Variants in TSPAN11 observed in about 807,000 individuals in gnomAD.
TSPAN11 encodes tetraspanin 11, also known as tetraspanin-11.
A neutral mutation model predicts 32.9 loss-of-function variants in TSPAN11; 29 were observed. The ratio of observed to expected loss-of-function variants is 0.88; its 90% CI spans 0.66 to 1.20. The LOEUF is 1.20. Ranked by LOEUF, TSPAN11 falls within the 50% of genes most tolerant of loss-of-function variation. The pLI is 0.00. For synonymous variants in TSPAN11, 140 were observed against 141.3 expected (o/e 0.99, Z 0.07); for missense variants, 283 against 329.1 (o/e 0.86, Z 1.08).
intron 7 of TSPAN11, among the ~76,000 whole-genome samples, chr12:30,990,031 G>T (rs574306519): frequency 6.6e-6 from 1 of 152,228 alleles, no homozygotes; most frequent in Non-Finnish European, 1.5e-5. Context: ...GGAGCCATCC[G>T]TGCTGGTTTC....
At chr12:30,940,229 G>C (rs1938133053) in intron 1 of TSPAN11, among the ~76,000 whole-genome samples, 4 of 152,198 alleles carry the variant, frequency 2.6e-5, no homozygotes, top group Non-Finnish European at 5.9e-5. Flanking sequence ...AACCAGGTGA[G>C]AGCCTGAGTG....
intron 2 of TSPAN11, among the ~76,000 whole-genome samples, chr12:30,960,371 G>A (rs1938587998): frequency 6.6e-6 from 1 of 151,958 alleles, no homozygotes; most frequent in Non-Finnish European, 1.5e-5. Flanking sequence ...ACTGAGGGTG[G>A]AGAACTCCCC....
chr12:30,933,414 C>G (rs1224786123), intron 1 of TSPAN11, among the ~76,000 whole-genome samples: 1 of 152,240 alleles, frequency 6.6e-6, no homozygotes. Context: ...TTAATCTTCC[C>G]TCCATGTATG....
At chr12:30,958,535 G>T (rs1382138446) in intron 2 of TSPAN11, among the ~76,000 whole-genome samples, 1 of 152,158 alleles carries the variant, frequency 6.6e-6, no homozygotes, top group Admixed American at 6.5e-5. Flanking sequence ...ATAGGGCTCA[G>T]CTGTGCTCTC....
intron 1 of TSPAN11, among the ~76,000 whole-genome samples, chr12:30,929,826 CTT>C (rs1357759662): frequency 6.6e-6 from 1 of 152,226 alleles, no homozygotes; most frequent in Non-Finnish European, 1.5e-5. Context: ...AAAATAGTCT[CTT>C]GTGCTGCCTT....
chr12:30,966,910 A>T (rs1938745992), intron 3 of TSPAN11, among the ~76,000 whole-genome samples: 1 of 152,256 alleles, frequency 6.6e-6, no homozygotes, highest in African/African-American at 2.4e-5. Context: ...GTCAGAGTAT[A>T]TTCAGCTTAG....
rs544548550 is a variant in TSPAN11 at position 30,973,874 on chromosome 12, A to G, written c.277-4687A>G. Among the ~76,000 whole-genome samples, 8 of 152,286 alleles carry G rather than the reference A, an allele frequency of 5.3e-5. No homozygotes were observed. In the South Asian group the frequency reaches 1.7e-3, roughly 32 times the overall value. ...TAGAGTCAACCCTAACACAAACCTT[A>G]TGGCGTCACACCCCTCCCCAGCTCA... On this transcript the variant is annotated intron_variant, in intron 3 of 7. Transcript: ENST00000546076.
At chr12:30,978,713 A>T (rs1046673685) in intron 4 of TSPAN11, 78 bp downstream of exon 4, 1 of 1,483,280 alleles carries the variant, frequency 6.7e-7, no homozygotes, top group Non-Finnish European at 9.4e-7. Flanking sequence ...TTGCATTGTG[A>T]TGAGGGAAGC....
intron 1 of TSPAN11, among the ~76,000 whole-genome samples, chr12:30,945,796 C>T (rs890376877): frequency 5.3e-5 from 8 of 152,088 alleles, no homozygotes; most frequent in African/African-American, 1.7e-4. Context: ...AAGGCATTTG[C>T]GGTTGCTTTT....
In TSPAN11 at chr12:30,963,810, C is replaced by G. The variant is rs11051187; in HGVS notation, c.85-16C>G. The G allele has an allele frequency of 1.2e-6, 2 of 1,602,892 alleles. No individual in the cohort carries two copies. The highest frequency in any genetic ancestry group is 3.3e-5 in the Admixed American group (2 of 59,948). On this transcript the variant is annotated splice_polypyrimidine_tract_variant and intron_variant, in intron 2 of 7. Transcript: ENST00000546076. Reference sequence around the variant, plus strand: ...GCCCCCGCCACCCCCTGCTCTAACCCGGTGGTCTCCTGCAGGTCGGGGGAG... The same window carrying G: ...GCCCCCGCCACCCCCTGCTCTAACCGGGTGGTCTCCTGCAGGTCGGGGGAG...
chr12:30,983,598 T>G (rs916785905), intron 7 of TSPAN11, among the ~76,000 whole-genome samples: 2 of 152,144 alleles, frequency 1.3e-5, no homozygotes, highest in African/African-American at 2.4e-5. Context: ...CCTTTGTGTG[T>G]GCATGTGTGT....
intron 3 of TSPAN11, among the ~76,000 whole-genome samples, chr12:30,976,715 C>T (rs1938980532): frequency 6.6e-6 from 1 of 152,186 alleles, no homozygotes; most frequent in South Asian, 2.1e-4. Context: ...CTCCCAGGGA[C>T]CCAGGAGAGT....
At chr12:30,963,708 C>A in intron 2 of TSPAN11, 118 bp from the exon 3 acceptor site, 1 of 1,143,800 alleles carries the variant, frequency 8.7e-7, no homozygotes, top group Non-Finnish European at 1.2e-6. Flanking sequence ...TTCTCGCCTC[C>A]TTTGGAGGAC....
downstream of TSPAN11, among the ~76,000 whole-genome samples, chr12:31,000,267 T>A (rs1939465005): frequency 1.3e-5 from 2 of 152,206 alleles, no homozygotes. Context: ...TTCTCTGAGC[T>A]CCTGCAGGCA....
chr12:30,965,163 G>A (rs1938703377), intron 3 of TSPAN11, among the ~76,000 whole-genome samples: 1 of 152,240 alleles, frequency 6.6e-6, no homozygotes, highest in Non-Finnish European at 1.5e-5. Context: ...GCACTGACCA[G>A]CCATGAGGCT....
intron 4 of TSPAN11, 109 bp from the exon 5 acceptor site, chr12:30,979,457 C>A: frequency 2.1e-6 from 2 of 957,828 alleles, no homozygotes; most frequent in Non-Finnish European, 1.7e-6. Flanking sequence ...ACACCATCCA[C>A]AGTCCGCAGT....
At chr12:30,963,712 G>T in intron 2 of TSPAN11, 114 bp from the exon 3 acceptor site, 1 of 1,162,966 alleles carries the variant, frequency 8.6e-7, no homozygotes, top group Non-Finnish European at 1.2e-6. Context: ...CGCCTCCTTT[G>T]GAGGACTGAA....
chr12:30,978,353 C>G lies in TSPAN11; in HGVS notation c.277-208C>G, dbSNP rs1565801677. The G allele has an allele frequency of 1.0e-5, 6 of 601,858 alleles. No individual in the cohort carries two copies. In the South Asian group the frequency reaches 1.0e-4, roughly 10 times the overall value. The allele number at this position is 601,858 out of a possible 1,614,324, so 37.3% of individuals were successfully genotyped here. A position where few individuals can be genotyped will look rare whatever the true frequency, so the allele number is the denominator to read the frequency against. On this transcript the variant is annotated intron_variant, in intron 3 of 7. Coordinates refer to ENST00000546076, the MANE Select transcript of TSPAN11 (RefSeq NM_001370302.1). ...TAATACATATTGGATGGGTACATGC[C>G]GTACTGAATTGTCAGCAGACCAAAG...
chr12:30,935,482 C>T (rs556229594), intron 1 of TSPAN11, among the ~76,000 whole-genome samples: 75 of 144,502 alleles, frequency 5.2e-4, no homozygotes, highest in Admixed American at 1.7e-3. Flanking sequence ...CTACTTGGTT[C>T]GAGCAATTCT....
Sources: gnomAD v4.1 joint callset for allele counts (sites outside exome capture counted in the v4.1 genomes callset) on GRCh38, gnomAD v4.1.1 for gene constraint, MANE v1.5 for transcripts, NCBI Gene and HGNC (gene_info 2026-07-23, HGNC 2026-07-21) for gene names.